The following ZBTB45 variants were observed in gnomAD, a reference collection of about 807,000 sequenced individuals.
ZBTB45 encodes the protein zinc finger and BTB domain-containing protein 45.
Under a neutral mutation model 28.4 loss-of-function variants are expected in ZBTB45, and 22 were observed. The ratio of observed to expected loss-of-function variants is 0.77; its 90% confidence interval spans 0.55 to 1.10. The LOEUF (loss-of-function observed/expected upper bound fraction) is 1.10. Ranked by LOEUF, ZBTB45 falls within the 50% of genes least tolerant of loss-of-function variation. The pLI, the probability that ZBTB45 is intolerant of heterozygous loss-of-function variation, is 0.00. For missense variants in ZBTB45, 656 were observed against 750.2 expected, an observed-to-expected ratio of 0.87 and a Z score of 1.47; for synonymous variants, 361 against 332.3, an observed-to-expected ratio of 1.09 and a Z score of -0.94.
intron 1 of ZBTB45, among the ~76,000 whole-genome samples, chr19:58,534,556 AT>A (rs199647138): frequency 0.54 from 66,611 of 124,398 alleles, 17,262 homozygotes; most frequent in African/African-American, 0.65. Context: ...CGCCCAGCTA[AT>A]TTTTTTTTTT....
chr19:58,537,086 G>C (rs1379413067), intron 1 of ZBTB45, among the ~76,000 whole-genome samples: 1 of 152,096 alleles, frequency 6.6e-6, no homozygotes, highest in African/African-American at 2.4e-5. Context: ...GAGGTCCCTA[G>C]TCTTACTCTC....
upstream of ZBTB45, among the ~76,000 whole-genome samples, chr19:58,520,979 G>A (rs895936961): frequency 7.2e-6 from 1 of 138,228 alleles, no homozygotes; most frequent in Non-Finnish European, 1.5e-5. Flanking sequence ...ATGAACCCGG[G>A]AGGCGGAGCT....
At position 58,513,969 on chromosome 19, in the gene ZBTB45, C is replaced by G. The variant is rs1238667434; in HGVS notation, c.*85G>C. The G allele has an allele frequency of 2.2e-6, 3 of 1,339,750 alleles. No homozygotes were observed. The Admixed American group carries it at 1.2e-4, about 52-fold the overall frequency. 83.0% of individuals were successfully genotyped at this position (1,339,750 alleles called of 1,614,324 possible). On this transcript the variant is annotated 3_prime_UTR_variant, in exon 3 of 3. Transcript: ENST00000594051. ...CTCAGGAGGGAGCGTGGTCTAGTGG[C>G]GGGAACCACGGGTCCCGCAGCGGGC... is the stretch of plus-strand genomic sequence containing the variant.
Position 58,514,196 on chromosome 19 carries a change from GCGCAGACGGCGCACTGGAAGGCGCGCA to G in ZBTB45, c.1367_1393del (p.Val456_Cys464del). The G allele has an allele frequency of 6.2e-7, 1 of 1,612,604 alleles. No homozygotes were observed. ...CGAGCTCTTCTGCGTGAAGCGCTTGGCGCAGACGGCGCACTGGAAGGCGCGCACGCCGGTGTGCGTGACCATGTGTTT... is the reference window on the plus strand; with the variant it reads ...CGAGCTCTTCTGCGTGAAGCGCTTGGCGCCGGTGTGCGTGACCATGTGTTT... On this transcript the variant is annotated inframe_deletion, in exon 3 of 3. Coordinates refer to ENST00000594051, the MANE Select transcript of ZBTB45 (RefSeq NM_001316979.2).
At chr19:58,520,399 A>T (rs779795612), upstream of ZBTB45, among the ~76,000 whole-genome samples, 1 of 152,142 alleles carries the variant, frequency 6.6e-6, no homozygotes, top group Non-Finnish European at 1.5e-5. Context: ...ATTGCAAGTC[A>T]ATCTGGTATG....
rs1228649994 is a variant in ZBTB45 at position 58,528,290 on chromosome 19, C to T, written c.-1+10411G>A. Among the ~76,000 whole-genome samples, 7 of 151,972 alleles carry T rather than the reference C, an allele frequency of 4.6e-5. 1 individual carries two copies. The highest frequency in any genetic ancestry group is 2.6e-4 in the Admixed American group (4 of 15,248). On this transcript the variant is annotated intron_variant, in intron 1 of 1. Coordinates refer to the ZBTB45 transcript ENST00000600130. ...CCTGTCCTTACTTGGGACACCCAGG[C>T]GCTCATTAAAATAGCATGTTGCTCC... is the stretch of plus-strand genomic sequence containing the variant.
rs982278073 is a variant in ZBTB45, at chr19:58,535,093, G to A, written c.-1+3608C>T. On this transcript the variant is annotated intron_variant, in intron 1 of 1. Transcript: ENST00000600130. Reference sequence around the variant, plus strand: ...CTGGTCTCTTGGCCAGGCTGGTCTCGAACTCCTGACCTCATGATCCGCCCG... The same window carrying A: ...CTGGTCTCTTGGCCAGGCTGGTCTCAAACTCCTGACCTCATGATCCGCCCG... Among the ~76,000 whole-genome samples, 8 of 145,920 alleles carry A rather than the reference G, an allele frequency of 5.5e-5. 1 individual carries two copies. Among genetic ancestry groups the A allele is most frequent in the Non-Finnish European group, 1.1e-4 (7 of 66,292 alleles).
intron 1 of ZBTB45, among the ~76,000 whole-genome samples, chr19:58,526,750 C>T (rs1163279908): frequency 6.7e-6 from 1 of 150,268 alleles, no homozygotes; most frequent in African/African-American, 2.5e-5. Flanking sequence ...CCGGGATGGT[C>T]TCGATCTCCT....
At position 58,516,926 on chromosome 19, in the gene ZBTB45, C is replaced by T. The variant is rs929382887; in HGVS notation, c.748G>A (p.Asp250Asn). Residue 250 changes from aspartate to asparagine, a missense_variant, in exon 2 of 3, where the codon GAC (aspartate) becomes AAC (asparagine). Coordinates refer to ENST00000594051, the MANE Select transcript of ZBTB45 (RefSeq NM_001316979.2). The surrounding 1 kb of genome is among the most constrained non-coding windows in gnomAD (Gnocchi z 6.2). ...GCAGGGGGCTCCTCGCACGCGCTGT[C>T]AGCAGCAGCAGTGAGGAAGCCAGCA... ...CAAGFLTAAA[D>N]SACEEPPAPT... 5 of 1,613,012 alleles carry T rather than the reference C, an allele frequency of 3.1e-6. No homozygotes were observed. The highest frequency in any genetic ancestry group is 1.3e-5 in the African/African-American group (1 of 74,920).
At chr19:58,531,353 T>C (rs1340195408) in intron 1 of ZBTB45, among the ~76,000 whole-genome samples, 1 of 152,228 alleles carries the variant, frequency 6.6e-6, no homozygotes, top group Non-Finnish European at 1.5e-5. Context: ...ACAGCATTTA[T>C]AGGGTGGGAT....
chr19:58,537,269 T>A lies in ZBTB45; in HGVS notation c.-1+1432A>T, dbSNP rs758068568. 2.0e-5 allele frequency among the ~76,000 whole-genome samples: 3 copies of A among 152,130 alleles called. No homozygotes were observed. In the South Asian group the frequency reaches 6.2e-4, roughly 31 times the overall value. The stretch of plus-strand genomic sequence containing the variant: ...GGCCCCACAGTGGTGTGGAACCTGG[T>A]GGGGAGGTGATGCTCCAAGGTCTGC... On this transcript the variant is annotated intron_variant, in intron 1 of 1. Coordinates refer to the ZBTB45 transcript ENST00000600130.
At chr19:58,520,416 A>ATACC (rs543338550), upstream of ZBTB45, among the ~76,000 whole-genome samples, 44 of 152,278 alleles carry the variant, frequency 2.9e-4, no homozygotes, top group East Asian at 8.3e-3. Flanking sequence ...TATGGGGGAC[A>ATACC]GAATTCCGAA....
At chr19:58,536,646 A>G (rs1164555470) in intron 1 of ZBTB45, among the ~76,000 whole-genome samples, 1 of 152,132 alleles carries the variant, frequency 6.6e-6, no homozygotes, top group Non-Finnish European at 1.5e-5. Context: ...CCATCTCAAA[A>G]AAAAGAAAAA....
At chr19:58,528,375 G>T (rs554353989) in intron 1 of ZBTB45, among the ~76,000 whole-genome samples, 1 of 151,836 alleles carries the variant, frequency 6.6e-6, no homozygotes, top group Non-Finnish European at 1.5e-5. Context: ...CTAGAGCCTT[G>T]CAGCTTGAAC....
rs190801840 is a variant in ZBTB45 at position 58,534,111 on chromosome 19, T to C, written c.-1+4590A>G. Among the ~76,000 whole-genome samples the C allele has an allele frequency of 3.5e-3, 539 of 152,304 alleles. 2 individuals carry two copies. Among genetic ancestry groups the C allele is most frequent in the African/African-American group, 0.012 (497 of 41,556 alleles). On this transcript the variant is annotated intron_variant, in intron 1 of 1. Transcript: ENST00000600130. The stretch of plus-strand genomic sequence containing the variant: ...TTCTTTGCTATCACAGCTGGTTAGC[T>C]GAGGTGCTCCCTGCTTGCATCTCTA...
At chr19:58,520,903 T>G (rs2053571258), upstream of ZBTB45, among the ~76,000 whole-genome samples, 1 of 139,194 alleles carries the variant, frequency 7.2e-6, no homozygotes. Flanking sequence ...ATACAGAAAA[T>G]TAGCTGGGCG....
intron 1 of ZBTB45, among the ~76,000 whole-genome samples, chr19:58,534,184 A>G (rs763336702): frequency 3.3e-5 from 5 of 152,116 alleles, no homozygotes; most frequent in Admixed American, 6.6e-5. Flanking sequence ...TAGAGACAGA[A>G]AGTAGATTAG....
chr19:58,517,571 C>A lies in ZBTB45; in HGVS notation c.103G>T (p.Val35Leu). 2 of 1,613,836 alleles carry A rather than the reference C, an allele frequency of 1.2e-6. No homozygotes were observed. Among genetic ancestry groups the A allele is most frequent in the Non-Finnish European group, 1.7e-6 (2 of 1,179,978 alleles). ...GAAGCTTCACGAATGCGCACAGTCACGTCACAGAAGTGTCCCCCAAGCCTC... is the reference window on the plus strand; with the variant it reads ...GAAGCTTCACGAATGCGCACAGTCAAGTCACAGAAGTGTCCCCCAAGCCTC... ...GQRLGGHFCDVTVRIREASLR... is the reference protein window; with the variant it reads ...GQRLGGHFCDLTVRIREASLR... The change falls in exon 2 of 3, where the codon GTG becomes TTG. Residue 35 changes from valine to leucine, a missense_variant. Val to Leu is a conservative substitution (Grantham distance 32). Coordinates refer to ENST00000594051, the MANE Select transcript of ZBTB45 (RefSeq NM_001316979.2).
At chr19:58,518,364 G>C (rs1270660359) in intron 1 of ZBTB45, among the ~76,000 whole-genome samples, 1 of 152,182 alleles carries the variant, frequency 6.6e-6, no homozygotes, top group Non-Finnish European at 1.5e-5. Context: ...TAAGGGCTGA[G>C]GGTAAAAGGT....
Sources: gnomAD v4.1 joint callset for allele counts (sites outside exome capture counted in the v4.1 genomes callset) on GRCh38, gnomAD v4.1.1 for gene constraint, Gnocchi (gnomAD v3.1) non-coding constraint, MANE v1.5 for transcripts, NCBI Gene and HGNC (gene_info 2026-07-23, HGNC 2026-07-21) for gene names.